Variants in IWS1 observed in about 807,000 individuals in gnomAD.
IWS1 encodes interacts with SUPT6H, CTD assembly factor 1, also known as protein IWS1 homolog.
IWS1 carries 27 observed loss-of-function variants against 86.7 expected under a neutral mutation model. The observed-to-expected ratio is 0.31, with a 90% CI of 0.23 to 0.43. IWS1 has a LOEUF of 0.43. Among genes scored for constraint, IWS1 ranks in the 20% least tolerant of loss-of-function variants. The pLI is 1.00. For synonymous variants in IWS1, 313 were observed against 335.1 expected, an observed-to-expected ratio of 0.93 and a Z score of 0.72; for missense variants, 827 against 1,000.8, an observed-to-expected ratio of 0.83 and a Z score of 2.34.
chr2:127,515,378 A>C (rs1332219223), intron 2 of IWS1, among the ~76,000 whole-genome samples: 2 of 152,220 alleles, frequency 1.3e-5, no homozygotes, highest in Admixed American at 6.5e-5. Context: ...TCAGGAAAGC[A>C]ACACAAGGCT....
chr2:127,523,614 A>T (rs1010456400), intron 2 of IWS1, 62 bp downstream of exon 2: 48 of 1,052,158 alleles, frequency 4.6e-5, no homozygotes, highest in Middle Eastern at 4.2e-4. Flanking sequence ...AACTCCTATA[A>T]TATAACAGAT....
At chr2:127,522,509 A>G (rs1215043225) in intron 2 of IWS1, among the ~76,000 whole-genome samples, 1 of 152,240 alleles carries the variant, frequency 6.6e-6, no homozygotes, top group Non-Finnish European at 1.5e-5. Flanking sequence ...AGTCACTGAT[A>G]AGTCCAAAGC....
intron 6 of IWS1, among the ~76,000 whole-genome samples, chr2:127,497,059 T>C (rs1310848742): frequency 6.6e-6 from 1 of 152,234 alleles, no homozygotes; most frequent in Non-Finnish European, 1.5e-5. Flanking sequence ...AATACTATGA[T>C]ATTGATACAA....
chr2:127,489,992 A>AT lies in IWS1; in HGVS notation c.2048-50dup, dbSNP rs3214590. On this transcript the variant is annotated intron_variant, in intron 10 of 13. Coordinates refer to ENST00000295321, the MANE Select transcript of IWS1 (RefSeq NM_017969.3). The surrounding 1 kb of genome is among the most constrained non-coding windows in gnomAD (Gnocchi z 4.8). ...ATTTTGTCCATAAAATTGCATTTCC[A>AT]TTTTTTTCAAATAATTGCACCCCAG... 3.8e-4 allele frequency: 395 copies of AT among 1,048,908 alleles called. 1 individual carries two copies. The East Asian group carries it at 7.8e-3, about 21-fold the overall frequency. 65.0% of individuals were successfully genotyped at this position (1,048,908 alleles called of 1,614,324 possible).
intron 2 of IWS1, among the ~76,000 whole-genome samples, chr2:127,513,668 C>T (rs1402197476): frequency 6.6e-6 from 1 of 152,204 alleles, no homozygotes; most frequent in Non-Finnish European, 1.5e-5. Context: ...TTAGCTCTTG[C>T]ATGCTTATAA....
intron 6 of IWS1, 146 bp downstream of exon 6, chr2:127,497,994 C>G: frequency 1.7e-6 from 1 of 589,872 alleles, no homozygotes; most frequent in Non-Finnish European, 3.0e-6. Context: ...AGGTAATTCA[C>G]TGACAACACC....
chr2:127,493,184 G>T, intron 9 of IWS1, 97 bp downstream of exon 9: 1 of 1,103,518 alleles, frequency 9.1e-7, no homozygotes, highest in Non-Finnish European at 1.2e-6. Context: ...GGCTGTAGCA[G>T]AGATAACATA....
chr2:127,503,658 A>C lies in IWS1; in HGVS notation c.1220-82T>G, dbSNP rs938942905. ...AGCATAACAGGTGCTTTAAGATGGC[A>C]GTATACAGCAAAAATAAATAAATAA... On this transcript the variant is annotated intron_variant, in intron 3 of 13. Coordinates refer to ENST00000295321, the MANE Select transcript of IWS1 (RefSeq NM_017969.3). 1.2e-5 allele frequency: 7 copies of C among 580,054 alleles called. No homozygotes were observed. The African/African-American group carries it at 1.5e-4, about 12-fold the overall frequency. The allele number at this position is 580,054 out of a possible 1,614,324, so 35.9% of individuals were successfully genotyped here.
chr2:127,512,728 T>C (rs1558764824), intron 2 of IWS1, among the ~76,000 whole-genome samples: 1 of 152,358 alleles, frequency 6.6e-6, no homozygotes, highest in Admixed American at 6.5e-5. Flanking sequence ...GTGCTTGGTA[T>C]GTATCCTTTC....
At position 127,505,515 on chromosome 2, in the gene IWS1, C is replaced by T. The variant is rs774258656; in HGVS notation, c.388G>A (p.Gly130Ser). The T allele has an allele frequency of 4.3e-6, 7 of 1,614,090 alleles. No homozygotes were observed. Among genetic ancestry groups the T allele is most frequent in the Non-Finnish European group, 5.9e-6 (7 of 1,180,016 alleles). The change falls in exon 3 of 14, where the codon GGT becomes AGT. Residue 130 changes from glycine to serine, a missense_variant. Gly to Ser is a moderately conservative substitution (Grantham distance 56, BLOSUM62 0). Coordinates refer to ENST00000295321, the MANE Select transcript of IWS1 (RefSeq NM_017969.3). The surrounding 1 kb of genome is among the most constrained non-coding windows in gnomAD (Gnocchi z 5.0). ...AGTTCCTCATTTTCAGAGTCACTAC[C>T]AGGTAATTTCCTGGTCTCTTCACTC... ...SESEETRKLP[G>S]SDSENEELLN...
intron 2 of IWS1, among the ~76,000 whole-genome samples, chr2:127,509,536 GTC>G (rs1691330985): frequency 6.6e-6 from 1 of 151,870 alleles, no homozygotes; most frequent in South Asian, 2.1e-4. Context: ...GTGAAACCCT[GTC>G]TCTACGAAAA....
rs547801811 is a variant in IWS1 at position 127,491,610 on chromosome 2, A to AT, written c.2047+360dup. Among the ~76,000 whole-genome samples, 44 of 152,130 alleles carry AT rather than the reference A, an allele frequency of 2.9e-4. No homozygotes were observed. In the East Asian group the frequency reaches 8.5e-3, roughly 29 times the overall value. ...TCGTGTATACCACCATGCCCGGCTA[A>AT]TTTTTTGTATTTTTAGTAGAGATGG... On this transcript the variant is annotated intron_variant, in intron 10 of 13. Coordinates refer to ENST00000295321, the MANE Select transcript of IWS1 (RefSeq NM_017969.3).
intron 13 of IWS1, among the ~76,000 whole-genome samples, chr2:127,485,629 C>A (rs1266221073): frequency 6.6e-6 from 1 of 152,070 alleles, no homozygotes; most frequent in Non-Finnish European, 1.5e-5. Context: ...TCAGGAAGAC[C>A]CAAATGCATA....
chr2:127,505,039 A>C lies in IWS1; in HGVS notation c.864T>G (p.Asp288Glu). ...SEDPPRNQASDSENEELPKPR... is the reference protein window; with the variant it reads ...SEDPPRNQASESENEELPKPR... Reference sequence around the variant, plus strand: ...GTTTGGGTAGCTCCTCATTTTCCGAATCACTGGCCTGGTTCCTTGGGGGAT... The same window carrying C: ...GTTTGGGTAGCTCCTCATTTTCCGACTCACTGGCCTGGTTCCTTGGGGGAT... Residue 288 changes from aspartate (D) to glutamate (E), a missense_variant, in exon 3 of 14, where the codon GAT (aspartate) becomes GAG (glutamate). Around this residue, in one of 2 missense-constraint regions of IWS1, gnomAD observed 548 missense variants for 560.2 expected, o/e 0.98. Coordinates refer to ENST00000295321, the MANE Select transcript of IWS1 (RefSeq NM_017969.3). The surrounding 1 kb of genome is among the most constrained non-coding windows in gnomAD (Gnocchi z 5.0). 1 of 1,611,068 alleles carries C rather than the reference A, an allele frequency of 6.2e-7. No homozygotes were observed. Among genetic ancestry groups the C allele is most frequent in the South Asian group, 1.1e-5 (1 of 90,682 alleles).
chr2:127,512,501 T>C (rs1300356529), intron 2 of IWS1, among the ~76,000 whole-genome samples: 3 of 152,240 alleles, frequency 2.0e-5, no homozygotes, highest in Admixed American at 1.3e-4. Context: ...CAGCATTACC[T>C]TCCATTAAGC....
In IWS1 at chr2:127,526,226, CG is replaced by C. The variant is rs1692406922; in HGVS notation, c.-19del. 4 of 1,560,666 alleles carry C rather than the reference CG, an allele frequency of 2.6e-6. No individual in the cohort carries two copies. The highest frequency in any genetic ancestry group is 2.6e-6 in the Non-Finnish European group (3 of 1,154,308). On this transcript the variant is annotated 5_prime_UTR_variant, in exon 1 of 14. Coordinates refer to ENST00000295321, the MANE Select transcript of IWS1 (RefSeq NM_017969.3). ...GAGTCCATGGCAGGCGGACTCTCAG[CG>C]GGGAGTGTCCGCGCCCCGCGCCGCC...
In IWS1 at chr2:127,489,096, C is replaced by A; in HGVS notation, c.2216+83G>T. On this transcript the variant is annotated intron_variant, in intron 12 of 13. Transcript: ENST00000295321. This position sits in a 1 kb window ranked among gnomAD's most constrained non-coding sequence, Gnocchi z 4.8. ...CCTCCCACAAATGAGAGCATAACAT[C>A]ATTTCATTTACTACTTTTCTTAAAG... 5.3e-6 allele frequency: 5 copies of A among 951,392 alleles called. No individual in the cohort carries two copies. The highest frequency in any genetic ancestry group is 8.3e-6 in the Non-Finnish European group (5 of 603,002). The allele number at this position is 951,392 out of a possible 1,614,324, so 58.9% of individuals were successfully genotyped here. A position where few individuals can be genotyped will look rare whatever the true frequency, so the allele number is the denominator to read the frequency against.
intron 2 of IWS1, among the ~76,000 whole-genome samples, chr2:127,522,305 T>G (rs904382692): frequency 2.0e-5 from 3 of 152,202 alleles, no homozygotes; most frequent in African/African-American, 7.2e-5. Flanking sequence ...AATGTCACTT[T>G]CTTAATAAAA....
At chr2:127,502,993 T>A in intron 4 of IWS1, 121 bp from the exon 5 acceptor site, 1 of 628,558 alleles carries the variant, frequency 1.6e-6, no homozygotes, top group Non-Finnish European at 2.8e-6. Flanking sequence ...TTCAGTTCAA[T>A]GAGTTTTAAC....
Sources: gnomAD v4.1 joint callset for allele counts (sites outside exome capture counted in the v4.1 genomes callset) on GRCh38, gnomAD v4.1.1 for gene constraint, gnomAD v4.1.1 regional missense constraint, Gnocchi (gnomAD v3.1) non-coding constraint, MANE v1.5 for transcripts, NCBI Gene and HGNC (gene_info 2026-07-23, HGNC 2026-07-21) for gene names.